The following NLK variants were observed in gnomAD, a reference collection of about 807,000 sequenced individuals.
The protein encoded by NLK is serine/threonine-protein kinase NLK.
NLK carries 11 observed loss-of-function variants against 59.0 expected under a neutral mutation model. The ratio of observed to expected loss-of-function variants is 0.19; its 90% CI spans 0.12 to 0.31. The LOEUF is 0.31. NLK is among the 10% of genes least tolerant of loss of function. The probability of loss-of-function intolerance (pLI) is 1.00; values close to 1 mark genes in which losing one functional copy is unlikely to be tolerated. For synonymous variants in NLK, 235 were observed against 235.9 expected (o/e 1.00, Z 0.03); for missense variants, 410 against 661.1 (o/e 0.62, Z 4.16).
At chr17:28,115,089 T>C (rs545034776) in intron 1 of NLK, among the ~76,000 whole-genome samples, 1 of 152,320 alleles carries the variant, frequency 6.6e-6, no homozygotes, top group African/African-American at 2.4e-5. Flanking sequence ...GCAGTGAGGC[T>C]AGTTCTGCAA....
intron 1 of NLK, among the ~76,000 whole-genome samples, chr17:28,074,253 A>G (rs148525065): frequency 4.6e-5 from 7 of 152,284 alleles, no homozygotes; most frequent in African/African-American, 1.7e-4. Context: ...CACTTGCGGG[A>G]TGATCTGTGC....
At chr17:28,192,668 C>CA (rs35393985) in intron 10 of NLK, among the ~76,000 whole-genome samples, 3,942 of 141,696 alleles carry the variant, frequency 0.028, 142 homozygotes, top group African/African-American at 0.085. Flanking sequence ...AACTCCATCT[C>CA]AAAAAAAAAA....
intron 3 of NLK, among the ~76,000 whole-genome samples, chr17:28,141,638 T>C (rs2142029646): frequency 6.6e-6 from 1 of 152,326 alleles, no homozygotes; most frequent in South Asian, 2.1e-4. Flanking sequence ...GAAAGGTTAC[T>C]TGGGTCTAAT....
chr17:28,060,595 G>A (rs1909598692), intron 1 of NLK, among the ~76,000 whole-genome samples: 1 of 152,006 alleles, frequency 6.6e-6, no homozygotes. Flanking sequence ...AAATCAACAA[G>A]AAATACACTT....
At chr17:28,119,770 C>T (rs1282022157) in intron 1 of NLK, among the ~76,000 whole-genome samples, 2 of 152,128 alleles carry the variant, frequency 1.3e-5, no homozygotes, top group Non-Finnish European at 2.9e-5. Context: ...TGGCAGACAC[C>T]TCATTCAAGT....
At chr17:28,157,879 C>G (rs2142044797) in intron 3 of NLK, among the ~76,000 whole-genome samples, 1 of 152,178 alleles carries the variant, frequency 6.6e-6, no homozygotes, top group African/African-American at 2.4e-5. Flanking sequence ...AGTACCTATA[C>G]CTAGCAGGTG....
At chr17:28,140,725 A>C (rs963821431) in intron 3 of NLK, among the ~76,000 whole-genome samples, 24 of 151,836 alleles carry the variant, frequency 1.6e-4, no homozygotes, top group African/African-American at 5.8e-4. Context: ...TTTACAATAG[A>C]GACATTAACC....
chr17:28,170,840 A>G (rs1016530893), intron 6 of NLK, among the ~76,000 whole-genome samples: 1 of 152,226 alleles, frequency 6.6e-6, no homozygotes, highest in African/African-American at 2.4e-5. Flanking sequence ...AGAGAAATAC[A>G]TAGATCTTCA....
chr17:28,144,897 T>C (rs1443135804), intron 3 of NLK, among the ~76,000 whole-genome samples: 4 of 152,206 alleles, frequency 2.6e-5, no homozygotes, highest in Admixed American at 2.6e-4. Flanking sequence ...ATCAACCCAA[T>C]TTATTTGAGA....
intron 6 of NLK, 135 bp downstream of exon 6, chr17:28,168,792 C>G: frequency 1.5e-6 from 1 of 649,204 alleles, no homozygotes; most frequent in South Asian, 1.9e-5. Flanking sequence ...ACTTAAAATT[C>G]AGAAAGTTAT....
At position 28,175,633 on chromosome 17, in the gene NLK, A is replaced by T. The variant is rs187144433; in HGVS notation, c.1149+3015A>T. 2.0e-5 allele frequency among the ~76,000 whole-genome samples: 3 copies of T among 152,288 alleles called. No homozygotes were observed. The East Asian group carries it at 5.8e-4, about 29-fold the overall frequency. On this transcript the variant is annotated intron_variant, in intron 7 of 10. Coordinates refer to ENST00000407008, the MANE Select transcript of NLK (RefSeq NM_016231.5). ...AACCTCTGTGTATATCAGTTCATTC[A>T]TCTGTAAAATGGTGATTAAAAATGG...
chr17:28,134,423 A>T (rs938003609), intron 3 of NLK, among the ~76,000 whole-genome samples: 3 of 152,218 alleles, frequency 2.0e-5, no homozygotes, highest in Non-Finnish European at 4.4e-5. Flanking sequence ...AAGTGATACA[A>T]ATTAAAAAGC....
chr17:28,155,094 G>A (rs1597713920), intron 3 of NLK, among the ~76,000 whole-genome samples: 1 of 152,040 alleles, frequency 6.6e-6, no homozygotes, highest in African/African-American at 2.4e-5. Context: ...TGATCACTTG[G>A]TTAAATGAAT....
chr17:28,111,894 GTGGTGTGTGTGTGTGTGTGTGTGTGTGT>G (rs1905516299), intron 1 of NLK, among the ~76,000 whole-genome samples: 2 of 102,400 alleles, frequency 2.0e-5, no homozygotes, highest in African/African-American at 8.6e-5. Context: ...GTGTGTGTGT[GTGGTGTGTGTGTGTGTGTGTGTGTGTGT>G]GTGTGTGTGT....
At chr17:28,141,010 T>C (rs2142029061) in intron 3 of NLK, among the ~76,000 whole-genome samples, 1 of 152,346 alleles carries the variant, frequency 6.6e-6, no homozygotes, top group South Asian at 2.1e-4. Flanking sequence ...GTAACCCTTT[T>C]TGCATAGCTT....
intron 7 of NLK, among the ~76,000 whole-genome samples, chr17:28,177,965 G>A (rs1463852228): frequency 6.6e-6 from 1 of 152,150 alleles, no homozygotes; most frequent in African/African-American, 2.4e-5. Flanking sequence ...GCAAGAAAAT[G>A]GAGGAAAGAA....
At chr17:28,076,494 T>C (rs193138341) in intron 1 of NLK, among the ~76,000 whole-genome samples, 1 of 152,308 alleles carries the variant, frequency 6.6e-6, no homozygotes, top group East Asian at 1.9e-4. Context: ...TACCATCATA[T>C]TGGTGATTAG....
At chr17:28,105,198 C>G (rs1475599010) in intron 1 of NLK, among the ~76,000 whole-genome samples, 3 of 152,156 alleles carry the variant, frequency 2.0e-5, no homozygotes, top group Admixed American at 1.3e-4. Flanking sequence ...GGAAAGGAAA[C>G]AGGGACCTTT....
chr17:28,123,246 T>A (rs868569670), intron 2 of NLK, among the ~76,000 whole-genome samples: 20 of 152,186 alleles, frequency 1.3e-4, no homozygotes, highest in Non-Finnish European at 7.4e-5. Context: ...CATTTGTCAA[T>A]CTGAATGTCT....
Sources: allele counts gnomAD v4.1 joint callset (sites outside exome capture counted in the v4.1 genomes callset), GRCh38; gene constraint gnomAD v4.1.1; transcripts MANE v1.5; gene names NCBI Gene and HGNC (gene_info 2026-07-23, HGNC 2026-07-21).